PPP6R3: variants seen among roughly 807,000 people sequenced by gnomAD.
The protein encoded by PPP6R3 is serine/threonine-protein phosphatase 6 regulatory subunit 3.
Under a neutral mutation model 110.7 loss-of-function variants are expected in PPP6R3, and 38 were observed. The observed-to-expected ratio is 0.34, with a 90% confidence interval of 0.26 to 0.45. The LOEUF (loss-of-function observed/expected upper bound fraction) is 0.45. PPP6R3 is among the 20% of genes least tolerant of loss of function. The pLI is 1.00. For missense variants in PPP6R3, 870 were observed against 1,062.4 expected (o/e 0.82, Z 2.52); for synonymous variants, 369 against 373.5 (o/e 0.99, Z 0.14).
intron 1 of PPP6R3, among the ~76,000 whole-genome samples, chr11:68,479,938 A>G (rs2098891906): frequency 1.3e-5 from 2 of 151,748 alleles, no homozygotes; most frequent in Non-Finnish European, 1.5e-5. Context: ...GGGTTTTGCT[A>G]TGTTGACCAG....
intron 5 of PPP6R3, among the ~76,000 whole-genome samples, chr11:68,550,587 C>G (rs1018852048): frequency 2.1e-4 from 32 of 152,258 alleles, no homozygotes; most frequent in African/African-American, 7.5e-4. Flanking sequence ...CATGACAGGG[C>G]GGAAAAACTC....
chr11:68,462,204 A>G (rs2098713031), intron 1 of PPP6R3, among the ~76,000 whole-genome samples: 2 of 152,082 alleles, frequency 1.3e-5, no homozygotes, highest in South Asian at 4.1e-4. Context: ...TTTAAATTTG[A>G]TTTTTAAATG....
At chr11:68,495,054 ATAAAGTTTACT>A (rs1223800949) in intron 1 of PPP6R3, among the ~76,000 whole-genome samples, 2 of 152,140 alleles carry the variant, frequency 1.3e-5, no homozygotes, top group Non-Finnish European at 2.9e-5. Context: ...GTGATGTACC[ATAAAGTTTACT>A]TTTCATAATT....
intron 14 of PPP6R3, among the ~76,000 whole-genome samples, chr11:68,582,386 CGAT>C (rs1406861428): frequency 6.6e-6 from 1 of 152,192 alleles, no homozygotes; most frequent in African/African-American, 2.4e-5. Flanking sequence ...AATCACTTAA[CGAT>C]GAATTGGTGA....
rs552715097 is a variant in PPP6R3, at chr11:68,562,623, C to T, written c.846-1680C>T. 1.8e-4 allele frequency among the ~76,000 whole-genome samples: 28 copies of T among 152,252 alleles called. No individual in the cohort carries two copies. The South Asian group carries it at 5.6e-3, about 30-fold the overall frequency. On this transcript the variant is annotated intron_variant, in intron 8 of 23. Coordinates refer to ENST00000393800, the MANE Select transcript of PPP6R3 (RefSeq NM_001164161.2). ...AAGTAGACCCATCCCCATGATCAGG[C>T]GGTTTTTAACAGAGGCATGGGGGCA...
At chr11:68,579,049 C>T (rs1007100578) in intron 14 of PPP6R3, among the ~76,000 whole-genome samples, 2 of 152,190 alleles carry the variant, frequency 1.3e-5, no homozygotes, top group Non-Finnish European at 2.9e-5. Context: ...ATTGTTGATG[C>T]TTCTTTCCCA....
chr11:68,476,569 AAGT>A (rs1056466456), intron 1 of PPP6R3, among the ~76,000 whole-genome samples: 22 of 152,196 alleles, frequency 1.4e-4, no homozygotes, highest in African/African-American at 5.1e-4. Flanking sequence ...TATCTAAATA[AAGT>A]AGTAATTTCC....
At position 68,574,189 on chromosome 11, in the gene PPP6R3, G is replaced by A. The variant is rs2099521428; in HGVS notation, c.1424G>A (p.Gly475Asp). 1 of 1,613,948 alleles carries A rather than the reference G, an allele frequency of 6.2e-7. No individual in the cohort carries two copies. The highest frequency in any genetic ancestry group is 1.3e-5 in the African/African-American group (1 of 75,028). ...TGTATCGTGCACAGCACTGACAAGG[G>A]CCCCAACAGTGCATTAGTGCAGCAG... ...ANCIVHSTDK[G>D]PNSALVQQLI... is the part of the protein sequence containing the mutation. Residue 475 changes from glycine (G) to aspartate (D), a missense_variant, in exon 13 of 24, where the codon GGC (glycine) becomes GAC (aspartate). Transcript: ENST00000393800.
intron 1 of PPP6R3, among the ~76,000 whole-genome samples, chr11:68,480,569 G>C (rs1016008901): frequency 6.6e-6 from 1 of 152,170 alleles, no homozygotes; most frequent in Non-Finnish European, 1.5e-5. Context: ...CTTTAATATC[G>C]TGTCCAGGAT....
chr11:68,495,316 A>G (rs948921054), intron 1 of PPP6R3, among the ~76,000 whole-genome samples: 9 of 152,240 alleles, frequency 5.9e-5, no homozygotes, highest in African/African-American at 1.7e-4. Context: ...TCCTTTGCAA[A>G]TATAGATTGC....
chr11:68,510,406 A>C (rs758489518), intron 1 of PPP6R3, among the ~76,000 whole-genome samples: 2 of 151,798 alleles, frequency 1.3e-5, no homozygotes, highest in East Asian at 1.9e-4. Flanking sequence ...GGCGCGACAC[A>C]GTTTACCGTA....
chr11:68,509,472 T>A (rs1349153036), intron 1 of PPP6R3, among the ~76,000 whole-genome samples: 1 of 145,232 alleles, frequency 6.9e-6, no homozygotes, highest in Admixed American at 6.8e-5. Flanking sequence ...ACTTCTCTAT[T>A]TTTTTTTTTT....
intron 1 of PPP6R3, among the ~76,000 whole-genome samples, chr11:68,519,159 T>G (rs1356719318): frequency 2.0e-5 from 3 of 152,218 alleles, no homozygotes; most frequent in Non-Finnish European, 4.4e-5. Context: ...GTGTGGTGCC[T>G]TTATAGTGGA....
chr11:68,599,513 G>C (rs2099624146), intron 19 of PPP6R3, among the ~76,000 whole-genome samples: 1 of 152,252 alleles, frequency 6.6e-6, no homozygotes, highest in African/African-American at 2.4e-5. Context: ...TAACTGCAGT[G>C]CACTGCAGGG....
intron 1 of PPP6R3, among the ~76,000 whole-genome samples, chr11:68,494,090 G>A (rs1270096197): frequency 1.5e-5 from 2 of 131,804 alleles, no homozygotes; most frequent in African/African-American, 2.8e-5. Flanking sequence ...GCAGCTGAGC[G>A]AGACTCCATC....
At chr11:68,589,674 G>A (rs1054690459) in intron 16 of PPP6R3, among the ~76,000 whole-genome samples, 2 of 152,172 alleles carry the variant, frequency 1.3e-5, no homozygotes, top group African/African-American at 4.8e-5. Flanking sequence ...TATCTGCTGT[G>A]GTCTTTGGAA....
chr11:68,461,179 C>T (rs1019422900), intron 1 of PPP6R3, among the ~76,000 whole-genome samples: 1 of 151,044 alleles, frequency 6.6e-6, no homozygotes, highest in African/African-American at 2.4e-5. Flanking sequence ...TTCCCGCCCG[C>T]CGGCCGCGGC....
chr11:68,517,764 C>T (rs1037241469), intron 1 of PPP6R3, among the ~76,000 whole-genome samples: 3 of 151,972 alleles, frequency 2.0e-5, no homozygotes, highest in Non-Finnish European at 2.9e-5. Flanking sequence ...ATGGTGAAAT[C>T]CCGTCTCTAC....
intron 13 of PPP6R3, among the ~76,000 whole-genome samples, chr11:68,575,454 C>T (rs1364074526): frequency 1.3e-5 from 2 of 152,198 alleles, no homozygotes; most frequent in African/African-American, 2.4e-5. Context: ...AAAAGCCATA[C>T]TAGGTTCTGT....
Sources: allele counts gnomAD v4.1 joint callset (sites outside exome capture counted in the v4.1 genomes callset), GRCh38; gene constraint gnomAD v4.1.1; transcripts MANE v1.5; gene names NCBI Gene and HGNC (gene_info 2026-07-23, HGNC 2026-07-21).